Variants in AGPAT3 observed in about 807,000 individuals in gnomAD.
AGPAT3 encodes 1-acyl-sn-glycerol-3-phosphate acyltransferase gamma.
A neutral mutation model predicts 47.3 loss-of-function variants in AGPAT3; 5 were observed. That is an observed-to-expected ratio of 0.11 (90% CI 0.06 to 0.22). AGPAT3 has a LOEUF of 0.22. Among genes scored for constraint, AGPAT3 ranks in the 10% least tolerant of loss-of-function variants. The pLI is 1.00. For synonymous variants in AGPAT3, 212 were observed against 208.3 expected (o/e 1.02, Z -0.15); for missense variants, 315 against 493.0 (o/e 0.64, Z 3.42).
At chr21:43,883,264 A>G (rs2085894230) in intron 1 of AGPAT3, among the ~76,000 whole-genome samples, 1 of 152,080 alleles carries the variant, frequency 6.6e-6, no homozygotes, top group Non-Finnish European at 1.5e-5. Flanking sequence ...GACCTCCGTG[A>G]TCAGCCAGAG....
intron 4 of AGPAT3, among the ~76,000 whole-genome samples, chr21:43,968,573 C>G (rs925996733): frequency 4.6e-5 from 7 of 152,052 alleles, no homozygotes; most frequent in African/African-American, 1.7e-4. Flanking sequence ...CCCCTGGGGT[C>G]CGAGTCCCTG....
chr21:43,878,044 G>GT (rs777651871), intron 1 of AGPAT3, among the ~76,000 whole-genome samples: 25 of 152,034 alleles, frequency 1.6e-4, no homozygotes, highest in Non-Finnish European at 3.2e-4. Flanking sequence ...CATCACACTT[G>GT]TTCCCCACAG....
At position 43,939,340 on chromosome 21, in the gene AGPAT3, C is replaced by T. The variant is rs558898993; in HGVS notation, c.-48-20294C>T. ...GTCGCTGTTGTTGTCGGGGGCCTCC[C>T]GCGCCCCAGGAGGTTTCCCAGGGCG... On this transcript the variant is annotated intron_variant, in intron 2 of 9. Coordinates refer to ENST00000291572, the MANE Select transcript of AGPAT3 (RefSeq NM_020132.5). This position sits in a 1 kb window ranked among gnomAD's most constrained non-coding sequence, Gnocchi z 4.4. Among the ~76,000 whole-genome samples, 222 of 152,278 alleles carry T rather than the reference C, an allele frequency of 1.5e-3. No individual in the cohort carries two copies. Among genetic ancestry groups the T allele is most frequent in the African/African-American group, 5.1e-3 (211 of 41,558 alleles).
intron 2 of AGPAT3, among the ~76,000 whole-genome samples, chr21:43,945,175 T>G (rs2087830403): frequency 1.3e-5 from 2 of 152,182 alleles, no homozygotes; most frequent in African/African-American, 4.8e-5. Flanking sequence ...AGCTCCGTTT[T>G]CCAGTCTGGG....
At chr21:43,899,853 C>T (rs1025184368) in intron 1 of AGPAT3, among the ~76,000 whole-genome samples, 1 of 152,176 alleles carries the variant, frequency 6.6e-6, no homozygotes, top group Non-Finnish European at 1.5e-5. Context: ...CGGTGATGCT[C>T]TCTTGACCTG....
intron 2 of AGPAT3, among the ~76,000 whole-genome samples, chr21:43,917,966 G>C: frequency 9.8e-6 from 1 of 101,954 alleles, no homozygotes; most frequent in East Asian, 3.2e-4. Flanking sequence ...GGGGGTGTGG[G>C]TGTTGGGGGT....
chr21:43,871,395 C>T (rs1006599900), intron 1 of AGPAT3, among the ~76,000 whole-genome samples: 10 of 152,158 alleles, frequency 6.6e-5, no homozygotes, highest in South Asian at 2.1e-4. Flanking sequence ...TAAGGGCCTA[C>T]GGGAGACCCT....
At position 43,932,179 on chromosome 21, in the gene AGPAT3, C is replaced by T. The variant is rs574757530; in HGVS notation, c.-48-27455C>T. On this transcript the variant is annotated intron_variant, in intron 2 of 9. Coordinates refer to ENST00000291572, the MANE Select transcript of AGPAT3 (RefSeq NM_020132.5). The surrounding 1 kb of genome is among the most constrained non-coding windows in gnomAD (Gnocchi z 5.2). ...ACATGATACGTTATTGTTAACTGGT[C>T]GCCACGCAGCGCGGCCGATCACGAA... Among the ~76,000 whole-genome samples the T allele has an allele frequency of 2.0e-5, 3 of 152,240 alleles. No individual in the cohort carries two copies. Among genetic ancestry groups the T allele is most frequent in the East Asian group, 1.9e-4 (1 of 5,192 alleles).
intron 1 of AGPAT3, among the ~76,000 whole-genome samples, chr21:43,873,624 C>T (rs1441866882): frequency 6.6e-6 from 1 of 152,170 alleles, no homozygotes; most frequent in Non-Finnish European, 1.5e-5. Flanking sequence ...GTGATCCTCC[C>T]ACCTTGGCCT....
intron 2 of AGPAT3, among the ~76,000 whole-genome samples, chr21:43,913,008 G>C (rs913508367): frequency 6.6e-6 from 1 of 152,214 alleles, no homozygotes; most frequent in African/African-American, 2.4e-5. Flanking sequence ...CATTGAGGAC[G>C]TGTAATATTT....
At chr21:43,888,240 A>G (rs2086023990) in intron 1 of AGPAT3, among the ~76,000 whole-genome samples, 1 of 152,166 alleles carries the variant, frequency 6.6e-6, no homozygotes, top group African/African-American at 2.4e-5. Context: ...GGGTCTCAGT[A>G]TATTGCCCAG....
At chr21:43,869,817 C>T (rs116842803) in intron 1 of AGPAT3, among the ~76,000 whole-genome samples, 1,939 of 152,352 alleles carry the variant, frequency 0.013, 24 homozygotes, top group Non-Finnish European at 0.021. Flanking sequence ...CTTGAAGCGG[C>T]TTTCTCTGGC....
chr21:43,885,422 T>C (rs551942238), intron 1 of AGPAT3, among the ~76,000 whole-genome samples: 3 of 150,598 alleles, frequency 2.0e-5, no homozygotes, highest in African/African-American at 7.4e-5. Flanking sequence ...AGAGTCTTGC[T>C]CTGTCACCCA....
chr21:43,931,726 G>A (rs556062829), intron 2 of AGPAT3, among the ~76,000 whole-genome samples: 17 of 152,182 alleles, frequency 1.1e-4, no homozygotes, highest in African/African-American at 3.6e-4. Context: ...TGCAGCTCCC[G>A]TTCATCAGAA....
chr21:43,938,711 A>G (rs1021379693), intron 2 of AGPAT3, among the ~76,000 whole-genome samples: 192 of 152,352 alleles, frequency 1.3e-3, no homozygotes, highest in Non-Finnish European at 4.0e-4. Flanking sequence ...TGTTTGTTAC[A>G]TTGCTGTGTA....
At chr21:43,960,704 C>T in intron 3 of AGPAT3, 3 of 985,216 alleles carry the variant, frequency 3.0e-6, no homozygotes, top group Non-Finnish European at 3.6e-6. Context: ...CAGGGACCCT[C>T]TGCGGCCATC....
rs1329326375 is a variant in AGPAT3, at chr21:43,934,074, A to G, written c.-48-25560A>G. On this transcript the variant is annotated intron_variant, in intron 2 of 9. Transcript: ENST00000291572. This position sits in a 1 kb window ranked among gnomAD's most constrained non-coding sequence, Gnocchi z 4.7. ...GCAGTGGAGCAGGTGTCTGCCCTACATTGCTCATCCTTGGTAGTTTGGGTG... is the reference window on the plus strand; with the variant it reads ...GCAGTGGAGCAGGTGTCTGCCCTACGTTGCTCATCCTTGGTAGTTTGGGTG... Among the ~76,000 whole-genome samples the G allele has an allele frequency of 1.3e-5, 2 of 152,316 alleles. No individual in the cohort carries two copies. The highest frequency in any genetic ancestry group is 2.9e-5 in the Non-Finnish European group (2 of 68,020).
intron 2 of AGPAT3, chr21:43,925,362 G>C (rs2087020244): frequency 6.6e-6 from 1 of 152,614 alleles, no homozygotes; most frequent in Admixed American, 6.5e-5. Flanking sequence ...TCCCAGTCTG[G>C]GCAGCAGATA....
intron 1 of AGPAT3, among the ~76,000 whole-genome samples, chr21:43,897,086 T>C (rs2086237502): frequency 6.6e-6 from 1 of 151,962 alleles, no homozygotes; most frequent in East Asian, 1.9e-4. Flanking sequence ...CTGGTTTTCC[T>C]AGGCAGAGGA....
Sources: gnomAD v4.1 joint callset for allele counts (sites outside exome capture counted in the v4.1 genomes callset) on GRCh38, gnomAD v4.1.1 for gene constraint, Gnocchi (gnomAD v3.1) non-coding constraint, MANE v1.5 for transcripts, NCBI Gene and HGNC (gene_info 2026-07-23, HGNC 2026-07-21) for gene names.